The following VSTM4 variants were observed in gnomAD, a reference collection of about 807,000 sequenced individuals.
The protein encoded by VSTM4 is V-set and transmembrane domain containing 4.
In VSTM4, 20 loss-of-function variants were observed where a neutral mutation model predicts 36.4. That is an observed-to-expected ratio of 0.55 (90% CI 0.39 to 0.80). The LOEUF is 0.80. Ranked by LOEUF, VSTM4 falls within the 30% of genes least tolerant of loss-of-function variation. The pLI is 0.00. For missense variants in VSTM4, 392 were observed against 404.5 expected, an observed-to-expected ratio of 0.97 and a Z score of 0.26; for synonymous variants, 182 against 173.9, an observed-to-expected ratio of 1.05 and a Z score of -0.37.
chr10:49,111,010 TTGC>T (rs1844884631), intron 1 of VSTM4, among the ~76,000 whole-genome samples: 1 of 152,178 alleles, frequency 6.6e-6, no homozygotes, highest in African/African-American at 2.4e-5. Context: ...TCTGAAAGCT[TTGC>T]TGGAGGACAC....
intron 3 of VSTM4, among the ~76,000 whole-genome samples, chr10:49,079,823 G>A (rs1001419383): frequency 2.6e-5 from 4 of 151,986 alleles, no homozygotes; most frequent in Non-Finnish European, 5.9e-5. Flanking sequence ...AAAAGCCATC[G>A]GCCATCCTGT....
At chr10:49,041,925 G>A (rs893590348) in intron 7 of VSTM4, among the ~76,000 whole-genome samples, 5 of 152,212 alleles carry the variant, frequency 3.3e-5, no homozygotes, top group Admixed American at 2.6e-4. Context: ...ATTAGAAGGG[G>A]TAAGAGACTG....
At chr10:49,034,654 T>G (rs1265410566) in intron 7 of VSTM4, among the ~76,000 whole-genome samples, 1 of 152,232 alleles carries the variant, frequency 6.6e-6, no homozygotes, top group Non-Finnish European at 1.5e-5. Flanking sequence ...ATTTTCTTCT[T>G]GATATTTTGG....
intron 2 of VSTM4, among the ~76,000 whole-genome samples, chr10:49,099,575 C>A (rs1180559133): frequency 6.6e-6 from 1 of 152,208 alleles, no homozygotes; most frequent in African/African-American, 2.4e-5. Flanking sequence ...AGAAACCTCT[C>A]CAGGGGTTTC....
chr10:49,056,643 C>G (rs1329526985), intron 5 of VSTM4, among the ~76,000 whole-genome samples: 6 of 152,206 alleles, frequency 3.9e-5, no homozygotes, highest in African/African-American at 7.2e-5. Flanking sequence ...ACAGCACTTC[C>G]CAGAGAAGGG....
chr10:49,094,530 T>C (rs1844535039), intron 2 of VSTM4, among the ~76,000 whole-genome samples: 1 of 152,162 alleles, frequency 6.6e-6, no homozygotes, highest in African/African-American at 2.4e-5. Context: ...TCAGGCAGCA[T>C]CTTACACAGG....
In VSTM4 at chr10:49,019,523, G is replaced by A; in HGVS notation, c.*127C>T. ...CCTCTTCAAAGGCACCCAGAATGCT[G>A]CTGAAAAGGGGCTCCCCACCACTCA... On this transcript the variant is annotated 3_prime_UTR_variant, in exon 8 of 8. Transcript: ENST00000332853. 7.4e-7 allele frequency: 1 copy of A among 1,354,222 alleles called. No individual in the cohort carries two copies. The highest frequency in any genetic ancestry group is 2.6e-5 in the Admixed American group (1 of 38,708). The allele number at this position is 1,354,222 out of a possible 1,614,324, so 83.9% of individuals were successfully genotyped here.
chr10:49,085,808 G>A, intron 3 of VSTM4, 147 bp downstream of exon 3: 2 of 488,488 alleles, frequency 4.1e-6, no homozygotes, highest in South Asian at 3.2e-5. Flanking sequence ...GTTAATGGGT[G>A]CAGCACACCA....
intron 7 of VSTM4, among the ~76,000 whole-genome samples, chr10:49,038,394 T>A (rs1370867249): frequency 6.6e-6 from 1 of 152,236 alleles, no homozygotes; most frequent in Admixed American, 6.5e-5. Flanking sequence ...TCTATGAGGT[T>A]GCTAAAGCAG....
chr10:49,096,503 A>T (rs1844571501), intron 2 of VSTM4, among the ~76,000 whole-genome samples: 1 of 152,180 alleles, frequency 6.6e-6, no homozygotes, highest in South Asian at 2.1e-4. Flanking sequence ...TATTATTAGC[A>T]TTTTCACTGC....
intron 3 of VSTM4, among the ~76,000 whole-genome samples, chr10:49,079,760 T>C (rs1359016867): frequency 6.6e-6 from 1 of 151,998 alleles, no homozygotes; most frequent in Non-Finnish European, 1.5e-5. Context: ...AGGGCTAGAG[T>C]TCTGCACCGA....
At chr10:49,028,199 C>G (rs1039404804) in intron 7 of VSTM4, among the ~76,000 whole-genome samples, 7 of 152,158 alleles carry the variant, frequency 4.6e-5, no homozygotes, top group African/African-American at 1.7e-4. Flanking sequence ...AGCTGCTGAG[C>G]CAGATTAAAT....
chr10:49,027,053 A>T (rs976614289), intron 7 of VSTM4, among the ~76,000 whole-genome samples: 2 of 151,970 alleles, frequency 1.3e-5, no homozygotes, highest in African/African-American at 2.4e-5. Context: ...TTCAAAACCC[A>T]CCAGGCCCTC....
intron 7 of VSTM4, among the ~76,000 whole-genome samples, chr10:49,031,739 G>A (rs995200227): frequency 6.6e-6 from 1 of 152,312 alleles, no homozygotes; most frequent in East Asian, 1.9e-4. Context: ...TGAATCCAGA[G>A]TTCTTATCAG....
intron 5 of VSTM4, among the ~76,000 whole-genome samples, chr10:49,051,410 T>C (rs1843696425): frequency 7.2e-6 from 1 of 138,020 alleles, no homozygotes; most frequent in Admixed American, 7.2e-5. Context: ...TTTTTTTTTC[T>C]TTTTTGAGAC....
intron 2 of VSTM4, among the ~76,000 whole-genome samples, chr10:49,087,963 G>GTATATATACACATGTAATATATA (rs1844401853): frequency 1.5e-5 from 2 of 129,832 alleles, no homozygotes; most frequent in African/African-American, 8.3e-5. Flanking sequence ...TAATATATAT[G>GTATATATACACATGTAATATATA]TGTATATATA....
At chr10:49,098,501 T>C (rs1844612335) in intron 2 of VSTM4, among the ~76,000 whole-genome samples, 1 of 152,184 alleles carries the variant, frequency 6.6e-6, no homozygotes, top group African/African-American at 2.4e-5. Context: ...CTCGTGCAAC[T>C]ACAAAAGACC....
intron 1 of VSTM4, among the ~76,000 whole-genome samples, chr10:49,110,302 C>A (rs1844869717): frequency 6.6e-6 from 1 of 152,202 alleles, no homozygotes; most frequent in Non-Finnish European, 1.5e-5. Context: ...GCTCCAGTCC[C>A]CATGGGAGGC....
chr10:49,047,832 G>A (rs1036370620), intron 6 of VSTM4, among the ~76,000 whole-genome samples: 1 of 152,148 alleles, frequency 6.6e-6, no homozygotes, highest in African/African-American at 2.4e-5. Flanking sequence ...TGTTCATTTG[G>A]GCAACCCTTG....
Sources: allele counts gnomAD v4.1 joint callset (sites outside exome capture counted in the v4.1 genomes callset), GRCh38; gene constraint gnomAD v4.1.1; transcripts MANE v1.5; gene names NCBI Gene and HGNC (gene_info 2026-07-23, HGNC 2026-07-21).